SEC31A: variants seen among roughly 807,000 people sequenced by gnomAD.
SEC31A encodes the protein SEC31 homolog A, COPII component, also known as protein transport protein Sec31A.
SEC31A carries 70 observed loss-of-function variants against 151.0 expected under a neutral mutation model. The observed-to-expected ratio is 0.46, with a 90% CI of 0.38 to 0.57. The LOEUF (loss-of-function observed/expected upper bound fraction) is 0.57, where lower values mean the gene tolerates loss of function less well. Among genes scored for constraint, SEC31A ranks in the 20% least tolerant of loss-of-function variants. SEC31A has a pLI of 0.00. For missense variants in SEC31A, 1,330 were observed against 1,471.2 expected (o/e 0.90, Z 1.57); for synonymous variants, 475 against 505.9 (o/e 0.94, Z 0.82).
chr4:82,841,882 G>A (rs79694780), intron 22 of SEC31A, among the ~76,000 whole-genome samples: 1 of 151,692 alleles, frequency 6.6e-6, no homozygotes, highest in Non-Finnish European at 1.5e-5. Context: ...TGAGGCAGGA[G>A]AATCGCTTGA....
intron 10 of SEC31A, among the ~76,000 whole-genome samples, chr4:82,865,156 A>G (rs1386573899): frequency 1.3e-5 from 2 of 152,148 alleles, no homozygotes; most frequent in East Asian, 3.8e-4. Context: ...TTAGAGGGGG[A>G]AAAGACAAGC....
chr4:82,866,756 T>C (rs942870481), intron 10 of SEC31A, 52 bp downstream of exon 10: 21 of 1,498,520 alleles, frequency 1.4e-5, no homozygotes, highest in East Asian at 9.4e-5. Flanking sequence ...AATAACACTT[T>C]GGTATAAAAA....
rs139306960 is a variant in SEC31A at position 82,879,532 on chromosome 4, T to C, written c.204-604A>G. ...CCCTACTATTAGAGAATAAAATATA[T>C]GGTCCAGAATGGAGATGAAATATGA... On this transcript the variant is annotated intron_variant, in intron 3 of 26. Coordinates refer to ENST00000395310, the MANE Select transcript of SEC31A (RefSeq NM_001077207.4). 3.2e-3 allele frequency among the ~76,000 whole-genome samples: 492 copies of C among 152,244 alleles called. 3 individuals are homozygous for C. The highest frequency in any genetic ancestry group is 0.011 in the African/African-American group (475 of 41,556).
intron 20 of SEC31A, among the ~76,000 whole-genome samples, chr4:82,847,877 C>T (rs1730587713): frequency 6.6e-6 from 1 of 152,170 alleles, no homozygotes; most frequent in African/African-American, 2.4e-5. Context: ...AGAGAGTTAA[C>T]AGTTACATTC....
chr4:82,876,599 C>A (rs1288638095), intron 4 of SEC31A, among the ~76,000 whole-genome samples: 1 of 152,208 alleles, frequency 6.6e-6, no homozygotes, highest in African/African-American at 2.4e-5. Flanking sequence ...ATCAATACAG[C>A]ACTAGTAAAA....
At chr4:82,893,004 TAGA>T (rs1719907526), upstream of SEC31A, 1 of 152,228 alleles carries the variant, frequency 6.6e-6, no homozygotes, top group African/African-American at 2.4e-5. Flanking sequence ...AATTGCTCAC[TAGA>T]AGAATGTTTG....
intron 25 of SEC31A, among the ~76,000 whole-genome samples, chr4:82,823,727 C>T (rs1212632893): frequency 6.6e-6 from 1 of 152,178 alleles, no homozygotes; most frequent in Admixed American, 6.5e-5. Context: ...ATATCTAAAA[C>T]ATTTAACTAT....
chr4:82,843,143 T>C (rs1417893900), intron 21 of SEC31A, among the ~76,000 whole-genome samples: 1 of 151,832 alleles, frequency 6.6e-6, no homozygotes, highest in East Asian at 1.9e-4. Flanking sequence ...TTTTTTTTTT[T>C]TCTTTGAGAC....
chr4:82,853,813 C>G (rs1731954431), intron 17 of SEC31A, 98 bp from the exon 18 acceptor site: 1 of 928,242 alleles, frequency 1.1e-6, no homozygotes, highest in South Asian at 1.7e-5. Context: ...ATGGATTAAG[C>G]TTCATAACCA....
intron 11 of SEC31A, 83 bp downstream of exon 11, chr4:82,864,279 T>A: frequency 1.0e-6 from 1 of 962,720 alleles, no homozygotes; most frequent in Non-Finnish European, 1.6e-6. Flanking sequence ...ATTGTTTCTT[T>A]AATAGGAGGA....
At position 82,872,894 on chromosome 4, in the gene SEC31A, G is replaced by C. The variant is rs1737063068; in HGVS notation, c.640-808C>G. On this transcript the variant is annotated intron_variant, in intron 6 of 26. Coordinates refer to ENST00000395310, the MANE Select transcript of SEC31A (RefSeq NM_001077207.4). The stretch of plus-strand genomic sequence containing the variant: ...TAATTTTTTGTATTTTAGTAGAGAA[G>C]GGGTTTCACCATGTTGCCCAGGATG... Among the ~76,000 whole-genome samples, 3 of 151,906 alleles carry C rather than the reference G, an allele frequency of 2.0e-5. No homozygotes were observed. The South Asian group carries it at 6.2e-4, about 32-fold the overall frequency.
chr4:82,840,712 C>T (rs527573597), intron 22 of SEC31A, among the ~76,000 whole-genome samples: 2 of 152,316 alleles, frequency 1.3e-5, no homozygotes, highest in South Asian at 2.1e-4. Context: ...TCCTAGGGTA[C>T]AAACCTGTAC....
rs1734704411 is a variant in SEC31A, at chr4:82,863,866, C to T, written c.1435-474G>A. On this transcript the variant is annotated intron_variant, in intron 11 of 26. Transcript: ENST00000395310. ...TGCTTTACCTTTGAAAAACCAGTAC[C>T]GTATAAAGAAACAGACATTCCAGTG... Among the ~76,000 whole-genome samples the T allele has an allele frequency of 2.0e-5, 3 of 152,122 alleles. No individual in the cohort carries two copies. In the South Asian group the frequency reaches 6.2e-4, roughly 32 times the overall value.
chr4:82,825,797 G>GCT (rs1323180984), intron 24 of SEC31A, among the ~76,000 whole-genome samples: 1 of 152,146 alleles, frequency 6.6e-6, no homozygotes, highest in East Asian at 1.9e-4. Context: ...GATGAAGGTA[G>GCT]CTTGGACTAC....
chr4:82,827,974 G>C (rs1725005030), intron 23 of SEC31A, among the ~76,000 whole-genome samples: 1 of 151,360 alleles, frequency 6.6e-6, no homozygotes, highest in Non-Finnish European at 1.5e-5. Flanking sequence ...AAGTGCAATA[G>C]CGCAATCTCA....
intron 16 of SEC31A, among the ~76,000 whole-genome samples, chr4:82,856,208 T>C (rs1160926300): frequency 1.3e-5 from 2 of 152,004 alleles, no homozygotes; most frequent in African/African-American, 4.8e-5. Flanking sequence ...TGGAGTGCAA[T>C]GGCGTGATCT....
chr4:82,844,246 CTT>C (rs1729557134), intron 21 of SEC31A, 138 bp downstream of exon 21: 2 of 870,750 alleles, frequency 2.3e-6, no homozygotes, highest in African/African-American at 3.4e-5. Context: ...AAACATGTCT[CTT>C]TGTAGCAGGG....
intron 4 of SEC31A, chr4:82,877,566 G>A (rs1373110504): frequency 6.6e-6 from 1 of 152,036 alleles, no homozygotes; most frequent in Admixed American, 6.6e-5. Flanking sequence ...TTTTTGTAAT[G>A]ACAGGGTTTC....
intron 26 of SEC31A, among the ~76,000 whole-genome samples, chr4:82,819,930 T>C (rs1294129435): frequency 6.6e-6 from 1 of 152,024 alleles, no homozygotes; most frequent in Admixed American, 6.6e-5. Context: ...CCCAGCTAAT[T>C]TTTGTATTTT....
Sources: gnomAD v4.1 joint callset for allele counts (sites outside exome capture counted in the v4.1 genomes callset) on GRCh38, gnomAD v4.1.1 for gene constraint, MANE v1.5 for transcripts, NCBI Gene and HGNC (gene_info 2026-07-23, HGNC 2026-07-21) for gene names.